Variants in VEZT observed in about 807,000 individuals in gnomAD.
VEZT encodes the protein vezatin.
Under a neutral mutation model 79.9 loss-of-function variants are expected in VEZT, and 39 were observed. That is an observed-to-expected ratio of 0.49 (90% CI 0.38 to 0.64). VEZT has a LOEUF of 0.64. Ranked by LOEUF, VEZT falls within the 30% of genes least tolerant of loss-of-function variation. The pLI is 0.00. For missense variants in VEZT, 837 were observed against 893.1 expected (o/e 0.94, Z 0.80); for synonymous variants, 325 against 327.6 (o/e 0.99, Z 0.09).
At chr12:95,275,220 A>G (rs2067406327) in intron 7 of VEZT, among the ~76,000 whole-genome samples, 1 of 152,252 alleles carries the variant, frequency 6.6e-6, no homozygotes, top group African/African-American at 2.4e-5. Flanking sequence ...AAACATGGAT[A>G]ATGGGTTATC....
intron 3 of VEZT, 40 bp from the exon 4 acceptor site, chr12:95,262,866 A>T: frequency 6.8e-7 from 1 of 1,474,528 alleles, no homozygotes; most frequent in Non-Finnish European, 9.1e-7. Context: ...GCAATATTAT[A>T]TATGTGTTAA....
chr12:95,291,988 T>G (rs2072964479), intron 9 of VEZT, among the ~76,000 whole-genome samples: 1 of 152,078 alleles, frequency 6.6e-6, no homozygotes, highest in Non-Finnish European at 1.5e-5. Context: ...TTGGTAGAGA[T>G]GGGTTTTCGT....
chr12:95,256,476 G>T, intron 2 of VEZT: 4 of 774,880 alleles, frequency 5.2e-6, no homozygotes, highest in South Asian at 1.8e-5. Flanking sequence ...TCTTTATATT[G>T]TCTCTTCTTC....
chr12:95,248,606 A>G (rs2062034137), intron 1 of VEZT, among the ~76,000 whole-genome samples: 1 of 152,196 alleles, frequency 6.6e-6, no homozygotes, highest in African/African-American at 2.4e-5. Flanking sequence ...TAATCTCAAT[A>G]AAAAGTTTGT....
intron 9 of VEZT, among the ~76,000 whole-genome samples, chr12:95,290,338 AG>A (rs1188278460): frequency 6.6e-6 from 1 of 152,234 alleles, no homozygotes; most frequent in African/African-American, 2.4e-5. Context: ...ATAAAAACTT[AG>A]TGTTCACACA....
At chr12:95,218,794 CTCCCAG>C (rs1356909225) in intron 1 of VEZT, among the ~76,000 whole-genome samples, 1 of 152,218 alleles carries the variant, frequency 6.6e-6, no homozygotes, top group Non-Finnish European at 1.5e-5. Flanking sequence ...TTCTTGCGGC[CTCCCAG>C]AGGCTACACC....
At chr12:95,268,608 C>G (rs1005784680) in intron 5 of VEZT, among the ~76,000 whole-genome samples, 1 of 152,094 alleles carries the variant, frequency 6.6e-6, no homozygotes, top group Non-Finnish European at 1.5e-5. Context: ...GATTCTGTGC[C>G]TTGTGTCATT....
At chr12:95,245,647 A>G (rs2061617693) in intron 1 of VEZT, 5 of 445,820 alleles carry the variant, frequency 1.1e-5, no homozygotes, top group Admixed American at 5.1e-5. Flanking sequence ...TGTTCTATCT[A>G]TAAGAGTTTA....
intron 1 of VEZT, among the ~76,000 whole-genome samples, chr12:95,234,253 C>T (rs1030900303): frequency 1.3e-5 from 2 of 150,142 alleles, no homozygotes; most frequent in Non-Finnish European, 3.0e-5. Context: ...AAAACTGTTG[C>T]ATCATGTTAG....
At chr12:95,272,078 C>T (rs911928486) in intron 6 of VEZT, among the ~76,000 whole-genome samples, 4 of 152,076 alleles carry the variant, frequency 2.6e-5, no homozygotes, top group African/African-American at 4.8e-5. Flanking sequence ...GCTGAGACAG[C>T]AGGATTCCTT....
chr12:95,223,079 G>A (rs937037150), intron 1 of VEZT, among the ~76,000 whole-genome samples: 1 of 152,080 alleles, frequency 6.6e-6, no homozygotes, highest in Non-Finnish European at 1.5e-5. Flanking sequence ...AGAAATCCTA[G>A]GTCAGCTATT....
intron 9 of VEZT, 50 bp downstream of exon 9, chr12:95,287,907 C>T: frequency 6.1e-6 from 9 of 1,467,678 alleles, no homozygotes; most frequent in Non-Finnish European, 8.2e-6. Flanking sequence ...ATGCTTATTC[C>T]ACTCTGGTAG....
intron 1 of VEZT, 33 bp downstream of exon 1, chr12:95,217,919 CTTTG>C (rs751243838): frequency 8.8e-6 from 13 of 1,478,494 alleles, no homozygotes; most frequent in Non-Finnish European, 1.2e-5. Flanking sequence ...TGTGGATTGC[CTTTG>C]TTTGAGAAGG....
In VEZT at chr12:95,263,092, G is replaced by C. The variant is rs749322802; in HGVS notation, c.434+11G>C. On this transcript the variant is annotated intron_variant, in intron 4 of 11. Coordinates refer to ENST00000436874, the MANE Select transcript of VEZT (RefSeq NM_017599.4). Reference sequence around the variant, plus strand: ...AACCCCTAATATTTGGTACTGTCCAGAAAACACCTATTCTTTGACTGCTTA... The same window carrying C: ...AACCCCTAATATTTGGTACTGTCCACAAAACACCTATTCTTTGACTGCTTA... The C allele has an allele frequency of 6.3e-7, 1 of 1,576,674 alleles. No individual in the cohort carries two copies. The highest frequency in any genetic ancestry group is 1.3e-5 in the African/African-American group (1 of 74,356).
rs185475962 is a variant in VEZT at position 95,262,703 on chromosome 12, G to A, written c.259-203G>A. Reference sequence around the variant, plus strand: ...CTTTTACATCTGATGGCTCAATAATGTCTATCTCAACCTTTACTGTTTCAC... The same window carrying A: ...CTTTTACATCTGATGGCTCAATAATATCTATCTCAACCTTTACTGTTTCAC... On this transcript the variant is annotated intron_variant, in intron 3 of 11. Coordinates refer to ENST00000436874, the MANE Select transcript of VEZT (RefSeq NM_017599.4). Among the ~76,000 whole-genome samples, 3 of 152,260 alleles carry A rather than the reference G, an allele frequency of 2.0e-5. No individual in the cohort carries two copies. In the East Asian group the frequency reaches 5.8e-4, roughly 29 times the overall value.
chr12:95,268,569 G>A (rs1221106794), intron 5 of VEZT, among the ~76,000 whole-genome samples: 1 of 152,140 alleles, frequency 6.6e-6, no homozygotes, highest in Non-Finnish European at 1.5e-5. Flanking sequence ...AAGTGGCTTT[G>A]TTCAACTAAT....
chr12:95,262,733 A>C (rs2064773705), intron 3 of VEZT, among the ~76,000 whole-genome samples, 173 bp from the exon 4 acceptor site: 1 of 152,250 alleles, frequency 6.6e-6, no homozygotes, highest in African/African-American at 2.4e-5. Context: ...TTTCACATTT[A>C]CAGTGAAAAT....
chr12:95,220,507 C>T (rs767585394), intron 1 of VEZT, among the ~76,000 whole-genome samples: 14 of 152,112 alleles, frequency 9.2e-5, no homozygotes, highest in Non-Finnish European at 2.1e-4. Flanking sequence ...ACCAGAAGCT[C>T]CCTCCTGGTC....
At chr12:95,264,930 T>C (rs1359860244) in intron 4 of VEZT, among the ~76,000 whole-genome samples, 1 of 145,738 alleles carries the variant, frequency 6.9e-6, no homozygotes, top group African/African-American at 2.6e-5. Flanking sequence ...TGGAGTGCAG[T>C]GGCATGATCT....
Sources: allele counts gnomAD v4.1 joint callset (sites outside exome capture counted in the v4.1 genomes callset), GRCh38; gene constraint gnomAD v4.1.1; transcripts MANE v1.5; gene names NCBI Gene and HGNC (gene_info 2026-07-23, HGNC 2026-07-21).